Variants in DMD observed in about 807,000 individuals in gnomAD.
The protein encoded by DMD is dystrophin.
DMD carries 63 observed loss-of-function variants against 330.1 expected under a neutral mutation model. The ratio of observed to expected loss-of-function variants is 0.19; its 90% CI spans 0.16 to 0.24. DMD has a LOEUF of 0.24. Ranked by LOEUF, DMD falls within the 10% of genes least tolerant of loss-of-function variation. DMD has a pLI of 1.00. For synonymous variants in DMD, 1,223 were observed against 959.8 expected, an observed-to-expected ratio of 1.27 and a Z score of -5.07; for missense variants, 3,344 against 2,684.1, an observed-to-expected ratio of 1.25 and a Z score of -5.43.
rs12556097 is a variant in DMD, at chrX:31,559,627, C to T, written c.8218-52174G>A. Among the ~76,000 whole-genome samples the T allele has an allele frequency of 2.9e-3, 202 of 70,865 alleles. 7 individuals are homozygous for T. The highest frequency in any genetic ancestry group is 3.9e-3 in the Non-Finnish European group (156 of 39,523). 61.5% of individuals were successfully genotyped at this position (70,865 alleles called of 115,157 possible). A position where few individuals can be genotyped will look rare whatever the true frequency, so the allele number is the denominator to read the frequency against. On this transcript the variant is annotated intron_variant, in intron 55 of 78. Transcript: ENST00000357033. ...CTGCACTCCAGCCTGGGCGACAGAG[C>T]GAAACTCCGTCTCAAAAAAAAAAAA... is the stretch of plus-strand genomic sequence containing the variant.
chrX:31,134,091 T>C lies in DMD; in HGVS notation c.11014+11A>G. The C allele has an allele frequency of 2.5e-6, 3 of 1,204,227 alleles. No homozygotes were observed. Among genetic ancestry groups the C allele is most frequent in the East Asian group, 3.0e-5 (1 of 33,798 alleles). On this transcript the variant is annotated intron_variant, in intron 77 of 78. Transcript: ENST00000357033. ...AGCAAATCTGAGTCCCTTCTAGGTA[T>C]TGGAGCTTACCTCTTGAACTAGGGA...
At chrX:33,026,285 G>C (rs1263667986) in intron 1 of DMD, among the ~76,000 whole-genome samples, 2 of 86,120 alleles carry the variant, frequency 2.3e-5, no homozygotes, top group Non-Finnish European at 4.3e-5. Context: ...ACTGCGCTCC[G>C]GCCTGGGGGA....
chrX:32,328,253 A>G (rs1200635174), intron 41 of DMD, among the ~76,000 whole-genome samples: 1 of 111,974 alleles, frequency 8.9e-6, no homozygotes, highest in Non-Finnish European at 1.9e-5. Flanking sequence ...AGGAAATGAT[A>G]CTATTATGAG....
At chrX:31,183,138 C>G in intron 67 of DMD, among the ~76,000 whole-genome samples, 1 of 102,584 alleles carries the variant, frequency 9.7e-6, no homozygotes, top group Non-Finnish European at 2.0e-5. Context: ...TTTTTGGCTA[C>G]TAGATGACAA....
chrX:32,501,993 C>A, intron 18 of DMD, 151 bp from the exon 19 acceptor site: 1 of 448,390 alleles, frequency 2.2e-6, no homozygotes, highest in Middle Eastern at 4.6e-4. Flanking sequence ...ACACTTTTGC[C>A]ATCAAAAACA....
At chrX:32,304,683 AAATC>A (rs1407591796) in intron 42 of DMD, among the ~76,000 whole-genome samples, 3 of 111,429 alleles carry the variant, frequency 2.7e-5, no homozygotes, top group Non-Finnish European at 5.7e-5. Flanking sequence ...TATATATAGC[AAATC>A]AATCAAATAA....
At chrX:32,394,135 A>G (rs932599345) in intron 30 of DMD, among the ~76,000 whole-genome samples, 11 of 112,407 alleles carry the variant, frequency 9.8e-5, no homozygotes, top group African/African-American at 3.2e-4. Context: ...AAATGTAAGA[A>G]GATAAACTTG....
chrX:32,254,392 G>A, intron 43 of DMD, among the ~76,000 whole-genome samples: 1 of 112,000 alleles, frequency 8.9e-6, no homozygotes, highest in Non-Finnish European at 1.9e-5. Context: ...ATGTGTGGTG[G>A]TGTGGTAGAG....
chrX:33,179,853 T>A (rs1454685909), intron 1 of DMD, among the ~76,000 whole-genome samples: 1 of 108,297 alleles, frequency 9.2e-6, no homozygotes, highest in African/African-American at 3.4e-5. Context: ...TTTTTTTTTT[T>A]CCTCTGAGAT....
chrX:31,742,756 TAGGAAACACCAC>T (rs2087465473), intron 51 of DMD, among the ~76,000 whole-genome samples: 1 of 111,558 alleles, frequency 9.0e-6, no homozygotes, highest in African/African-American at 3.3e-5. Flanking sequence ...TAAGAAAGCC[TAGGAAACACCAC>T]TCTGGACATC....
At chrX:32,515,861 C>A (rs1164647623) in intron 18 of DMD, among the ~76,000 whole-genome samples, 1 of 110,880 alleles carries the variant, frequency 9.0e-6, no homozygotes, top group East Asian at 2.8e-4. Context: ...TAGAAAGGTC[C>A]CCCAGAAGTC....
chrX:33,120,516 G>A (rs971525958), intron 1 of DMD, among the ~76,000 whole-genome samples: 3 of 110,355 alleles, frequency 2.7e-5, no homozygotes, highest in Non-Finnish European at 3.8e-5. Flanking sequence ...AGAAATATGC[G>A]GCAGAACATC....
intron 44 of DMD, among the ~76,000 whole-genome samples, chrX:32,029,529 C>T (rs777207030): frequency 2.7e-5 from 3 of 111,258 alleles, no homozygotes; most frequent in African/African-American, 9.8e-5. Context: ...TCTTAAAACG[C>T]GGTCCTCCTA....
At chrX:31,879,352 A>T (rs1362414685) in intron 47 of DMD, among the ~76,000 whole-genome samples, 5 of 110,950 alleles carry the variant, frequency 4.5e-5, no homozygotes, top group Non-Finnish European at 9.4e-5. Flanking sequence ...TATCAGGAGA[A>T]CAGTATGGGG....
rs1437564713 is a variant in DMD at position 31,875,209 on chromosome X, T to C, written c.7077A>G (p.Gln2359=). 1 of 1,205,052 alleles carries C rather than the reference T, an allele frequency of 8.3e-7. No individual in the cohort carries two copies. The highest frequency in any genetic ancestry group is 1.8e-5 in the African/African-American group (1 of 56,955). The change falls in exon 48 of 79, where the codon CAA becomes CAG. Residue 2359 remains glutamine (Q), a synonymous_variant. Transcript: ENST00000357033. ...CTACCTTAACGTCAAATGGTCCTTC[T>C]TGGTTTGGTTGGTTATAAATTTCCA... ...NQLEIYNQPN[Q]EGPFDVKETE...
intron 74 of DMD, among the ~76,000 whole-genome samples, chrX:31,161,496 T>C (rs947774719): frequency 8.9e-6 from 1 of 111,831 alleles, no homozygotes; most frequent in Non-Finnish European, 1.9e-5. Flanking sequence ...ACTAACCCTT[T>C]GCAAATCAGG....
chrX:31,457,646 A>T (rs773385620), intron 59 of DMD, among the ~76,000 whole-genome samples: 1 of 112,150 alleles, frequency 8.9e-6, no homozygotes, highest in Admixed American at 9.5e-5. Context: ...AAAGCAAATT[A>T]AGCTACCTCT....
intron 43 of DMD, among the ~76,000 whole-genome samples, chrX:32,220,576 G>A (rs1453594906): frequency 2.7e-5 from 3 of 110,643 alleles, no homozygotes; most frequent in Non-Finnish European, 5.7e-5. Context: ...AATTTACTAC[G>A]TAAAATTACA....
At chrX:32,252,773 A>AATATATAAATATATATAT (rs2097275525) in intron 43 of DMD, among the ~76,000 whole-genome samples, 4 of 35,846 alleles carry the variant, frequency 1.1e-4, no homozygotes, top group African/African-American at 6.6e-4. Context: ...AATATATATA[A>AATATATAAATATATATAT]ATATATATAA....
Sources: gnomAD v4.1 joint callset for allele counts (sites outside exome capture counted in the v4.1 genomes callset) on GRCh38, gnomAD v4.1.1 for gene constraint, MANE v1.5 for transcripts, NCBI Gene and HGNC (gene_info 2026-07-23, HGNC 2026-07-21) for gene names.